Variants in PTPRG observed in about 807,000 individuals in gnomAD.
PTPRG encodes the protein protein tyrosine phosphatase receptor type G.
Under a neutral mutation model 165.3 loss-of-function variants are expected in PTPRG, and 102 were observed. The observed-to-expected ratio is 0.62, with a 90% CI of 0.53 to 0.73. The LOEUF is 0.73. PTPRG is among the 30% of genes least tolerant of loss of function. PTPRG has a pLI of 0.00. For missense variants in PTPRG, 1,866 were observed against 1,861.4 expected (o/e 1.00, Z -0.05); for synonymous variants, 675 against 669.5 (o/e 1.01, Z -0.13).
At chr3:61,980,528 TA>T (rs1429367343) in intron 2 of PTPRG, among the ~76,000 whole-genome samples, 1 of 152,228 alleles carries the variant, frequency 6.6e-6, no homozygotes, top group Non-Finnish European at 1.5e-5. Flanking sequence ...TTGTTATTTT[TA>T]TATATTCCAT....
intron 1 of PTPRG, among the ~76,000 whole-genome samples, chr3:61,646,266 C>T (rs140068829): frequency 7.9e-5 from 12 of 152,230 alleles, no homozygotes; most frequent in Middle Eastern, 3.4e-3. Context: ...CACGCCACCA[C>T]GCTTGGCTAA....
intron 2 of PTPRG, among the ~76,000 whole-genome samples, chr3:61,765,515 A>T (rs2033990597): frequency 6.6e-6 from 1 of 152,188 alleles, no homozygotes; most frequent in Admixed American, 6.5e-5. Context: ...TCAGCTGGCC[A>T]AGCCCCTACA....
chr3:62,031,812 G>C (rs892608454), intron 4 of PTPRG, among the ~76,000 whole-genome samples: 10 of 152,134 alleles, frequency 6.6e-5, no homozygotes, highest in Non-Finnish European at 1.3e-4. Context: ...CATTATTTCA[G>C]GGGTTTTGGT....
chr3:62,170,139 A>G (rs1270293722), intron 8 of PTPRG, among the ~76,000 whole-genome samples: 3 of 152,192 alleles, frequency 2.0e-5, no homozygotes, highest in African/African-American at 7.2e-5. Context: ...TGTCAAGGGC[A>G]TCATTCTCTG....
At chr3:62,149,335 G>A (rs997495755) in intron 6 of PTPRG, among the ~76,000 whole-genome samples, 11 of 148,100 alleles carry the variant, frequency 7.4e-5, no homozygotes, top group East Asian at 4.0e-4. Context: ...GTGCAGTGGC[G>A]CGATCTTGGC....
chr3:61,805,935 G>T (rs905953685), intron 2 of PTPRG, among the ~76,000 whole-genome samples: 2 of 152,100 alleles, frequency 1.3e-5, no homozygotes, highest in African/African-American at 4.8e-5. Flanking sequence ...TATGTTGTGG[G>T]CTGTGTTTTC....
intron 2 of PTPRG, among the ~76,000 whole-genome samples, chr3:61,761,336 G>A (rs989491362): frequency 2.6e-5 from 4 of 152,164 alleles, no homozygotes; most frequent in Non-Finnish European, 5.9e-5. Context: ...CAGCAGTTTG[G>A]GAGGTTGAGG....
chr3:61,883,905 A>G (rs1245949447), intron 2 of PTPRG, among the ~76,000 whole-genome samples: 1 of 152,160 alleles, frequency 6.6e-6, no homozygotes, highest in Admixed American at 6.5e-5. Context: ...TTGTAGAGAC[A>G]GGGTCTTACC....
intron 14 of PTPRG, among the ~76,000 whole-genome samples, chr3:62,242,418 T>C (rs907701702): frequency 6.6e-6 from 1 of 152,210 alleles, no homozygotes. Flanking sequence ...CAAAATCTCC[T>C]AATGGTATGG....
At chr3:62,151,552 G>T (rs921584131) in intron 6 of PTPRG, among the ~76,000 whole-genome samples, 10 of 150,266 alleles carry the variant, frequency 6.7e-5, no homozygotes, top group African/African-American at 2.5e-4. Flanking sequence ...ATATAATATT[G>T]TCTGCATACA....
chr3:62,138,205 T>C (rs1703788164), intron 6 of PTPRG, among the ~76,000 whole-genome samples: 1 of 152,228 alleles, frequency 6.6e-6, no homozygotes, highest in Non-Finnish European at 1.5e-5. Context: ...TCTAACATCA[T>C]TTCCATAGTC....
chr3:61,761,792 C>T (rs925819146), intron 2 of PTPRG, among the ~76,000 whole-genome samples: 9 of 152,122 alleles, frequency 5.9e-5, no homozygotes, highest in African/African-American at 2.2e-4. Flanking sequence ...AGGAAAACAA[C>T]CTTCTTCTTA....
intron 1 of PTPRG, among the ~76,000 whole-genome samples, chr3:61,736,424 A>G (rs2032725413): frequency 6.6e-6 from 1 of 151,082 alleles, no homozygotes; most frequent in Non-Finnish European, 1.5e-5. Context: ...GAATACTTGT[A>G]TTTGGCTTGA....
At chr3:61,962,388 G>A (rs562250021) in intron 2 of PTPRG, among the ~76,000 whole-genome samples, 1 of 152,184 alleles carries the variant, frequency 6.6e-6, no homozygotes, top group Non-Finnish European at 1.5e-5. Context: ...TCCTGTAGTT[G>A]CATGGCTTGA....
intron 12 of PTPRG, among the ~76,000 whole-genome samples, chr3:62,205,093 G>A (rs1700196598): frequency 6.6e-6 from 1 of 151,742 alleles, no homozygotes; most frequent in Non-Finnish European, 1.5e-5. Flanking sequence ...CGTATGTTAA[G>A]ATACAACTTA....
chr3:61,680,537 G>A (rs1703400002), intron 1 of PTPRG, among the ~76,000 whole-genome samples: 1 of 147,656 alleles, frequency 6.8e-6, no homozygotes, highest in Non-Finnish European at 1.5e-5. Flanking sequence ...AACAGCATGG[G>A]AGCCTGGCAA....
At chr3:61,782,999 A>G (rs932533277) in intron 2 of PTPRG, among the ~76,000 whole-genome samples, 10 of 151,592 alleles carry the variant, frequency 6.6e-5, no homozygotes, top group African/African-American at 2.4e-4. Context: ...AGAGATGGGG[A>G]CTCACTATGT....
chr3:62,099,794 T>G (rs76140235), intron 5 of PTPRG, among the ~76,000 whole-genome samples: 1 of 32,236 alleles, frequency 3.1e-5, no homozygotes, highest in Non-Finnish European at 6.0e-5. Flanking sequence ...GTGTTAAATC[T>G]TTTTTTTTTT....
At chr3:62,186,713 G>GCACCAC (rs1186452187) in intron 8 of PTPRG, among the ~76,000 whole-genome samples, 175 of 151,970 alleles carry the variant, frequency 1.2e-3, no homozygotes, top group African/African-American at 4.0e-3. Flanking sequence ...CTATAGGTGT[G>GCACCAC]CGCCACCACA....
Sources: gnomAD v4.1 joint callset for allele counts (sites outside exome capture counted in the v4.1 genomes callset) on GRCh38, gnomAD v4.1.1 for gene constraint, MANE v1.5 for transcripts, NCBI Gene and HGNC (gene_info 2026-07-23, HGNC 2026-07-21) for gene names.